The following HOMER2 variants were observed in gnomAD, a reference collection of about 807,000 sequenced individuals.
The protein encoded by HOMER2 is homer protein homolog 2.
Under a neutral mutation model 47.0 loss-of-function variants are expected in HOMER2, and 27 were observed. The observed-to-expected ratio is 0.57, with a 90% CI of 0.42 to 0.79. The LOEUF (loss-of-function observed/expected upper bound fraction) is 0.79, where lower values mean the gene tolerates loss of function less well. Ranked by LOEUF, HOMER2 falls within the 30% of genes least tolerant of loss-of-function variation. HOMER2 has a pLI of 0.00. For synonymous variants in HOMER2, 161 were observed against 163.8 expected (o/e 0.98, Z 0.13); for missense variants, 443 against 435.0 (o/e 1.02, Z -0.16).
intron 3 of HOMER2, among the ~76,000 whole-genome samples, chr15:82,864,971 A>G (rs1790698869): frequency 6.6e-6 from 1 of 152,242 alleles, no homozygotes; most frequent in African/African-American, 2.4e-5. Context: ...AAAACTAGCA[A>G]GTTGCAAGGC....
chr15:82,836,297 C>G (rs1002044851), downstream of HOMER2, among the ~76,000 whole-genome samples: 1 of 152,238 alleles, frequency 6.6e-6, no homozygotes, highest in Non-Finnish European at 1.5e-5. Context: ...AGTCGGCCTC[C>G]AAAGCACTGC....
At chr15:82,891,010 C>G (rs1486756433) in intron 2 of HOMER2, among the ~76,000 whole-genome samples, 1 of 152,184 alleles carries the variant, frequency 6.6e-6, no homozygotes, top group Non-Finnish European at 1.5e-5. Context: ...ATGTGCCAGG[C>G]ACTAGCACAC....
At chr15:82,911,261 A>G (rs1393369471) in intron 1 of HOMER2, among the ~76,000 whole-genome samples, 1 of 152,208 alleles carries the variant, frequency 6.6e-6, no homozygotes, top group African/African-American at 2.4e-5. Context: ...AAGTTTAAAA[A>G]CTTAGAAGTC....
intron 1 of HOMER2, among the ~76,000 whole-genome samples, chr15:82,948,161 G>A (rs1174768461): frequency 6.6e-6 from 1 of 152,088 alleles, no homozygotes; most frequent in Non-Finnish European, 1.5e-5. Flanking sequence ...GGAGGCCGGG[G>A]CAGGCGAATC....
At chr15:82,868,046 A>T (rs142344090) in intron 3 of HOMER2, among the ~76,000 whole-genome samples, 182 of 152,098 alleles carry the variant, frequency 1.2e-3, no homozygotes, top group East Asian at 7.9e-3. Context: ...TTCTTAAAAA[A>T]ATATATATAT....
chr15:82,918,148 T>C (rs1472267396), intron 1 of HOMER2, among the ~76,000 whole-genome samples: 1 of 152,062 alleles, frequency 6.6e-6, no homozygotes, highest in Non-Finnish European at 1.5e-5. Flanking sequence ...GTGTCTACTC[T>C]CATAAGAATC....
At chr15:82,931,040 C>G (rs1325186462) in intron 1 of HOMER2, among the ~76,000 whole-genome samples, 2 of 151,808 alleles carry the variant, frequency 1.3e-5, no homozygotes, top group Non-Finnish European at 2.9e-5. Context: ...CCTCAGTTGC[C>G]CATACAGAGC....
intron 4 of HOMER2, among the ~76,000 whole-genome samples, chr15:82,861,944 T>C (rs1024229109): frequency 2.0e-5 from 3 of 150,788 alleles, no homozygotes; most frequent in Non-Finnish European, 2.9e-5. Flanking sequence ...GAGGCAGAGG[T>C]TGCAGTGAGC....
At chr15:82,962,004 T>C (rs28562127) in intron 1 of HOMER2, among the ~76,000 whole-genome samples, 362 of 152,102 alleles carry the variant, frequency 2.4e-3, no homozygotes, top group African/African-American at 8.6e-3. Context: ...CCTCAGGTGA[T>C]CCACCCACCT....
At chr15:82,974,383 A>G (rs1412457610) in intron 1 of HOMER2, among the ~76,000 whole-genome samples, 1 of 151,894 alleles carries the variant, frequency 6.6e-6, no homozygotes, top group Non-Finnish European at 1.5e-5. Context: ...CCGCCTGGGC[A>G]ACAAGAGCAA....
In HOMER2 at chr15:82,854,653, G is replaced by C; in HGVS notation, c.642C>G (p.Leu214=). The C allele has an allele frequency of 6.2e-7, 1 of 1,612,286 alleles. No homozygotes were observed. Among genetic ancestry groups the C allele is most frequent in the Middle Eastern group, 1.7e-4 (1 of 6,056 alleles). ...FSICRDENDR[L]RNKIDELEEQ... Reference sequence around the variant, plus strand: ...CATCCACCGTACCCACCTTGTTGCGGAGCCGGTCATTCTCATCACGGCAGA... The same window carrying C: ...CATCCACCGTACCCACCTTGTTGCGCAGCCGGTCATTCTCATCACGGCAGA... The change falls in exon 6 of 9, where the codon CTC becomes CTG. Residue 214 remains leucine (L), a synonymous_variant. Coordinates refer to ENST00000450735, the MANE Select transcript of HOMER2 (RefSeq NM_004839.4).
At chr15:82,904,046 A>G (rs1254875029) in intron 1 of HOMER2, among the ~76,000 whole-genome samples, 4 of 152,158 alleles carry the variant, frequency 2.6e-5, no homozygotes, top group Admixed American at 2.6e-4. Context: ...CTGAGGTGGG[A>G]GGATCGCTTG....
rs1262666472 is a variant in HOMER2 at position 82,888,817 on chromosome 15, C to A, written c.162+3868G>T. ...TCTGGCACTCCCTAGTGAGATGAAC[C>A]CGGTACCTCAGATGGAAATGCAGAA... On this transcript the variant is annotated intron_variant, in intron 2 of 8. Coordinates refer to ENST00000450735, the MANE Select transcript of HOMER2 (RefSeq NM_004839.4). 2.6e-3 allele frequency among the ~76,000 whole-genome samples: 104 copies of A among 39,542 alleles called. 1 individual carries two copies. The highest frequency in any genetic ancestry group is 0.018 in the East Asian group (8 of 436). The allele number at this position is 39,542 out of a possible 152,430, so 25.9% of individuals were successfully genotyped here. A position where few individuals can be genotyped will look rare whatever the true frequency, so the allele number is the denominator to read the frequency against.
chr15:82,938,885 G>T (rs1359826721), intron 1 of HOMER2, among the ~76,000 whole-genome samples: 2 of 152,022 alleles, frequency 1.3e-5, no homozygotes, highest in East Asian at 3.9e-4. Flanking sequence ...CTCTCCCCTG[G>T]CTTCTGCAAC....
rs115376595 is a variant in HOMER2, at chr15:82,928,607, C to G, written c.5+23924G>C. On this transcript the variant is annotated intron_variant, in intron 1 of 8. Coordinates refer to ENST00000450735, the MANE Select transcript of HOMER2 (RefSeq NM_004839.4). ...TAATTTTAGACTGTAACTTCTTCAT[C>G]AAGCTGCATTCGTTATTCACTAGGT... Among the ~76,000 whole-genome samples, 335 of 152,274 alleles carry G rather than the reference C, an allele frequency of 2.2e-3. 4 individuals carry two copies. The highest frequency in any genetic ancestry group is 7.7e-3 in the African/African-American group (321 of 41,544).
At chr15:82,840,790 T>A in exon 2 of HOMER2, 1 of 121,544 alleles carries the variant, frequency 8.2e-6, no homozygotes, top group East Asian at 2.3e-4. Context: ...TTGAAGAAAA[T>A]AATGAGCATG....
chr15:82,929,020 T>A (rs979281121), intron 1 of HOMER2, among the ~76,000 whole-genome samples: 1 of 144,712 alleles, frequency 6.9e-6, no homozygotes, highest in Admixed American at 7.2e-5. Flanking sequence ...TGTGAATCAT[T>A]GCTGGGTATG....
chr15:82,980,585 C>T (rs538056268), intron 1 of HOMER2, among the ~76,000 whole-genome samples: 1 of 152,270 alleles, frequency 6.6e-6, no homozygotes, highest in South Asian at 2.1e-4. Context: ...TTCGGAGCCT[C>T]TCCTGTATCT....
chr15:82,934,531 C>T (rs978580226), intron 1 of HOMER2, among the ~76,000 whole-genome samples: 3 of 152,134 alleles, frequency 2.0e-5, no homozygotes, highest in African/African-American at 4.8e-5. Flanking sequence ...TTTCCCATCT[C>T]GCAGAGACCT....
Sources: gnomAD v4.1 joint callset for allele counts (sites outside exome capture counted in the v4.1 genomes callset) on GRCh38, gnomAD v4.1.1 for gene constraint, MANE v1.5 for transcripts, NCBI Gene and HGNC (gene_info 2026-07-23, HGNC 2026-07-21) for gene names.